EPS8: variants seen among roughly 807,000 people sequenced by gnomAD.
EPS8 encodes the protein epidermal growth factor receptor kinase substrate 8.
EPS8 carries 42 observed loss-of-function variants against 103.8 expected under a neutral mutation model. That is an observed-to-expected ratio of 0.40 (90% CI 0.32 to 0.52). The LOEUF (loss-of-function observed/expected upper bound fraction) is 0.52, where lower values mean the gene tolerates loss of function less well. Among genes scored for constraint, EPS8 ranks in the 20% least tolerant of loss-of-function variants. EPS8 has a pLI of 0.40. For synonymous variants in EPS8, 344 were observed against 344.6 expected (o/e 1.00, Z 0.02); for missense variants, 969 against 1,005.1 (o/e 0.96, Z 0.49).
chr12:15,735,374 A>C lies in EPS8; in HGVS notation c.-21-52402T>G, dbSNP rs1480497007. ...CTCCCTCTTTTTTATCAAGATTCAA[A>C]ATTATATAGATGGAAAAAATGAAGA... On this transcript the variant is annotated intron_variant, in intron 1 of 20. Coordinates refer to ENST00000281172, the MANE Select transcript of EPS8 (RefSeq NM_004447.6). The surrounding 1 kb of genome is among the most constrained non-coding windows in gnomAD (Gnocchi z 4.4). Among the ~76,000 whole-genome samples, 2 of 152,280 alleles carry C rather than the reference A, an allele frequency of 1.3e-5. No individual in the cohort carries two copies. The highest frequency in any genetic ancestry group is 4.8e-5 in the African/African-American group (2 of 41,556).
Position 15,631,423 on chromosome 12 carries a change from G to A in EPS8, c.2044+19C>T. On this transcript the variant is annotated intron_variant, in intron 18 of 20. Coordinates refer to ENST00000281172, the MANE Select transcript of EPS8 (RefSeq NM_004447.6). ...TTTTAATTTGCAGAAGACATTTTTT[G>A]CCTCCCTGGGAAACTTACGGTCCAC... 6 of 1,606,786 alleles carry A rather than the reference G, an allele frequency of 3.7e-6. No homozygotes were observed. The highest frequency in any genetic ancestry group is 5.1e-6 in the Non-Finnish European group (6 of 1,177,910).
At chr12:15,750,293 T>G (rs1001513299) in intron 1 of EPS8, among the ~76,000 whole-genome samples, 2 of 152,114 alleles carry the variant, frequency 1.3e-5, no homozygotes, top group Non-Finnish European at 2.9e-5. Context: ...CACAAAAAAA[T>G]TCTCCTATTT....
At chr12:15,621,531 T>A in intron 20 of EPS8, 101 bp from the exon 21 acceptor site, 1 of 628,662 alleles carries the variant, frequency 1.6e-6, no homozygotes, top group Non-Finnish European at 2.7e-6. Context: ...GGTTTTCTTC[T>A]AGTATCTCTT....
chr12:15,733,521 C>T lies in EPS8; in HGVS notation c.-21-50549G>A, dbSNP rs928697751. On this transcript the variant is annotated intron_variant, in intron 1 of 20. Coordinates refer to ENST00000281172, the MANE Select transcript of EPS8 (RefSeq NM_004447.6). This position sits in a 1 kb window ranked among gnomAD's most constrained non-coding sequence, Gnocchi z 4.8. ...TGTTCATTAAATAGTATCTTGGCAC[C>T]TTTAAAAAGCCTAGATATACCTTTT... 6.6e-6 allele frequency among the ~76,000 whole-genome samples: 1 copy of T among 151,976 alleles called. No individual in the cohort carries two copies. Among genetic ancestry groups the T allele is most frequent in the Non-Finnish European group, 1.5e-5 (1 of 68,018 alleles).
In EPS8 at chr12:15,780,527, CACAG is replaced by C. The variant is rs1947250242; in HGVS notation, c.-22+8630_-22+8633del. ...ACACACACACACACACACACACACA[CACAG>C]GCATACACACTTTTCATTTAACATC... is the stretch of plus-strand genomic sequence containing the variant. On this transcript the variant is annotated intron_variant, in intron 1 of 20. Transcript: ENST00000281172. This position sits in a 1 kb window ranked among gnomAD's most constrained non-coding sequence, Gnocchi z 4.1. 6.6e-6 allele frequency: 1 copy of C among 152,372 alleles called. No individual in the cohort carries two copies. Among genetic ancestry groups the C allele is most frequent in the South Asian group, 2.1e-4 (1 of 4,794 alleles). The allele number at this position is 152,372 out of a possible 1,614,324, so 9.4% of individuals were successfully genotyped here.
intron 20 of EPS8, among the ~76,000 whole-genome samples, chr12:15,622,317 G>A (rs569760850): frequency 6.6e-6 from 1 of 152,236 alleles, no homozygotes; most frequent in Admixed American, 6.5e-5. Flanking sequence ...AATGTTGTAG[G>A]GAAAACCTCC....
rs1015381405 is a variant in EPS8, at chr12:15,757,641, A to G, written c.-22+31520T>C. Among the ~76,000 whole-genome samples the G allele has an allele frequency of 8.6e-5, 13 of 151,990 alleles. No individual in the cohort carries two copies. Among genetic ancestry groups the G allele is most frequent in the African/African-American group, 2.9e-4 (12 of 41,362 alleles). ...GAGACTCCGTCTGAAGAAAAAAAAA[A>G]GAAAAAGAAAAAGAAAAAGATGAAG... On this transcript the variant is annotated intron_variant, in intron 1 of 20. Coordinates refer to ENST00000281172, the MANE Select transcript of EPS8 (RefSeq NM_004447.6). This position sits in a 1 kb window ranked among gnomAD's most constrained non-coding sequence, Gnocchi z 4.1.
intron 3 of EPS8, 151 bp from the exon 4 acceptor site, chr12:15,671,074 C>A (rs1945808168): frequency 2.0e-6 from 1 of 497,424 alleles, no homozygotes; most frequent in Non-Finnish European, 3.6e-6. Flanking sequence ...TGAAAACACT[C>A]ATTATTCGCA....
intron 1 of EPS8, among the ~76,000 whole-genome samples, chr12:15,763,625 T>C (rs762353567): frequency 2.2e-4 from 34 of 152,328 alleles, no homozygotes; most frequent in Admixed American, 6.5e-4. Context: ...AAGAAAAGTA[T>C]GCTGCTCTCA....
intron 1 of EPS8, among the ~76,000 whole-genome samples, chr12:15,763,060 C>A (rs1210273087): frequency 6.6e-6 from 1 of 152,088 alleles, no homozygotes; most frequent in East Asian, 1.9e-4. Flanking sequence ...AACATATACA[C>A]CTTTTATATA....
In EPS8 at chr12:15,752,547, C is replaced by A. The variant is rs1946944283; in HGVS notation, c.-22+36614G>T. On this transcript the variant is annotated intron_variant, in intron 1 of 20. Transcript: ENST00000281172. This position sits in a 1 kb window ranked among gnomAD's most constrained non-coding sequence, Gnocchi z 4.4. ...TTTAGCAGGAGTGAAATATTCCCAG[C>A]AATGGAATTAAAAGAAATTCAGGGG... Among the ~76,000 whole-genome samples the A allele has an allele frequency of 6.6e-6, 1 of 151,986 alleles. No homozygotes were observed. The highest frequency in any genetic ancestry group is 2.4e-5 in the African/African-American group (1 of 41,364).
chr12:15,766,496 CAAA>C (rs57577551), intron 1 of EPS8, among the ~76,000 whole-genome samples: 2 of 121,092 alleles, frequency 1.7e-5, no homozygotes, highest in Admixed American at 8.5e-5. Context: ...GACTCCATCT[CAAA>C]AAAAAAAAAA....
chr12:15,634,145 C>T (rs1343614307), intron 17 of EPS8, among the ~76,000 whole-genome samples: 1 of 152,156 alleles, frequency 6.6e-6, no homozygotes, highest in Non-Finnish European at 1.5e-5. Context: ...TCTTGGTTGG[C>T]CTGAGACTTT....
At chr12:15,730,642 G>A (rs1946704515) in intron 1 of EPS8, among the ~76,000 whole-genome samples, 1 of 152,112 alleles carries the variant, frequency 6.6e-6, no homozygotes, top group Non-Finnish European at 1.5e-5. Context: ...TCTTTACCCT[G>A]GCATATGACT....
chr12:15,690,514 A>G lies in EPS8; in HGVS notation c.-21-7542T>C, dbSNP rs1946157137. On this transcript the variant is annotated intron_variant, in intron 1 of 20. Transcript: ENST00000281172. This position sits in a 1 kb window ranked among gnomAD's most constrained non-coding sequence, Gnocchi z 4.7. ...TTCCTGCCTGCCATAATATTCTAAC[A>G]TTGATTGTTTTGATAAGGGAACACA... is the stretch of plus-strand genomic sequence containing the variant. Among the ~76,000 whole-genome samples, 1 of 152,098 alleles carries G rather than the reference A, an allele frequency of 6.6e-6. No homozygotes were observed. Among genetic ancestry groups the G allele is most frequent in the South Asian group, 2.1e-4 (1 of 4,832 alleles).
intron 1 of EPS8, among the ~76,000 whole-genome samples, chr12:15,707,656 T>C (rs964366897): frequency 5.9e-5 from 9 of 152,192 alleles, no homozygotes; most frequent in African/African-American, 2.2e-4. Flanking sequence ...CTGAGCGTAT[T>C]ACTACTAGTG....
intron 1 of EPS8, among the ~76,000 whole-genome samples, chr12:15,766,278 G>A (rs1947095265): frequency 6.7e-6 from 1 of 148,978 alleles, no homozygotes; most frequent in Admixed American, 6.7e-5. Context: ...AGGAGTTTCA[G>A]ACCATCCTGG....
In EPS8 at chr12:15,777,113, A is replaced by T. The variant is rs73316994; in HGVS notation, c.-22+12048T>A. On this transcript the variant is annotated intron_variant, in intron 1 of 20. Transcript: ENST00000281172. The surrounding 1 kb of genome is among the most constrained non-coding windows in gnomAD (Gnocchi z 4.7). ...GATATAGATGGAGGAAGGACATTGG[A>T]GGTAAGATGAAGTCACTTTTATATC... is the stretch of plus-strand genomic sequence containing the variant. Among the ~76,000 whole-genome samples the T allele has an allele frequency of 0.011, 1,735 of 152,292 alleles. 36 individuals are homozygous for T. Among genetic ancestry groups the T allele is most frequent in the African/African-American group, 0.04 (1,664 of 41,552 alleles).
chr12:15,782,899 T>C (rs1304722792), intron 1 of EPS8, among the ~76,000 whole-genome samples: 1 of 152,230 alleles, frequency 6.6e-6, no homozygotes, highest in African/African-American at 2.4e-5. Flanking sequence ...CATCTCTGCG[T>C]GAGCAGTTCA....
Sources: gnomAD v4.1 joint callset for allele counts (sites outside exome capture counted in the v4.1 genomes callset) on GRCh38, gnomAD v4.1.1 for gene constraint, Gnocchi (gnomAD v3.1) non-coding constraint, MANE v1.5 for transcripts, NCBI Gene and HGNC (gene_info 2026-07-23, HGNC 2026-07-21) for gene names.